Variants in PPIL6 observed in about 807,000 individuals in gnomAD.
PPIL6 encodes the protein peptidylprolyl isomerase like 6.
In PPIL6, 39 loss-of-function variants were observed where a neutral mutation model predicts 36.8. The observed-to-expected ratio is 1.06, with a 90% CI of 0.82 to 1.38. The LOEUF (loss-of-function observed/expected upper bound fraction) is 1.38. Ranked by LOEUF, PPIL6 falls within the 40% of genes most tolerant of loss-of-function variation. PPIL6 has a pLI of 0.00. For synonymous variants in PPIL6, 123 were observed against 134.1 expected, an observed-to-expected ratio of 0.92 and a Z score of 0.57; for missense variants, 368 against 379.1, an observed-to-expected ratio of 0.97 and a Z score of 0.24.
intron 6 of PPIL6, among the ~76,000 whole-genome samples, chr6:109,415,582 A>C (rs1362427852): frequency 6.6e-6 from 1 of 152,148 alleles, no homozygotes; most frequent in East Asian, 1.9e-4. Flanking sequence ...CTCTGTCATA[A>C]ATCCCGTGAA....
chr6:109,421,837 A>T (rs1053956409), intron 5 of PPIL6, among the ~76,000 whole-genome samples: 95 of 152,168 alleles, frequency 6.2e-4, no homozygotes, highest in Non-Finnish European at 9.3e-4. Flanking sequence ...CCAGGAGTTC[A>T]AGACCAGCCT....
rs767825097 is a variant in PPIL6, at chr6:109,440,305, G to A, written c.135+151C>T. 6.3e-5 allele frequency: 64 copies of A among 1,014,702 alleles called. No individual in the cohort carries two copies. The African/African-American group carries it at 9.9e-4, about 16-fold the overall frequency. The allele number at this position is 1,014,702 out of a possible 1,614,324, so 62.9% of individuals were successfully genotyped here. A position where few individuals can be genotyped will look rare whatever the true frequency, so the allele number is the denominator to read the frequency against. The stretch of plus-strand genomic sequence containing the variant: ...ATACTCTCCTCCCGGTCCTCCAGAC[G>A]GAGCCCGCCCGGCCAGGACACGCCA... On this transcript the variant is annotated intron_variant, in intron 1 of 7. Coordinates refer to ENST00000521072, the MANE Select transcript of PPIL6 (RefSeq NM_173672.5).
At chr6:109,431,118 A>G (rs763913758) in intron 3 of PPIL6, 39 bp downstream of exon 3, 23 of 1,438,560 alleles carry the variant, frequency 1.6e-5, no homozygotes, top group Non-Finnish European at 2.2e-5. Flanking sequence ...AAAGGGTCAA[A>G]GATTCCACAA....
intron 1 of PPIL6, among the ~76,000 whole-genome samples, chr6:109,436,563 CA>C (rs888758943): frequency 6.6e-6 from 1 of 152,024 alleles, no homozygotes; most frequent in Admixed American, 6.5e-5. Context: ...ACTAAAAATA[CA>C]AAAAAATTAG....
intron 2 of PPIL6, among the ~76,000 whole-genome samples, chr6:109,433,278 A>T (rs1015356236): frequency 2.6e-5 from 4 of 151,938 alleles, no homozygotes; most frequent in Non-Finnish European, 4.4e-5. Context: ...GCTGGTCTCA[A>T]ACTCCTGACC....
In PPIL6 at chr6:109,440,556, G is replaced by C; in HGVS notation, c.35C>G (p.Ala12Gly). ...ARPQPCGPPHARCGSPSLPER... is the reference protein window; with the variant it reads ...ARPQPCGPPHGRCGSPSLPER... ...CGGCAGCGACGGCGAGCCGCACCTAGCGTGCGGGGGCCCGCACGGCTGCGG... is the reference window on the plus strand; with the variant it reads ...CGGCAGCGACGGCGAGCCGCACCTACCGTGCGGGGGCCCGCACGGCTGCGG... The change falls in exon 1 of 8, where the codon GCT (alanine) becomes GGT (glycine). Residue 12 changes from alanine to glycine, a missense_variant. Coordinates refer to ENST00000521072, the MANE Select transcript of PPIL6 (RefSeq NM_173672.5). The C allele has an allele frequency of 6.8e-7, 1 of 1,468,518 alleles. No individual in the cohort carries two copies. Among genetic ancestry groups the C allele is most frequent in the South Asian group, 1.3e-5 (1 of 75,768 alleles). The allele number at this position is 1,468,518 out of a possible 1,614,324, so 91.0% of individuals were successfully genotyped here.
chr6:109,431,158 T>C lies in PPIL6; in HGVS notation c.419A>G (p.Lys140Arg), dbSNP rs987189433. 6.3e-7 allele frequency: 1 copy of C among 1,595,456 alleles called. No homozygotes were observed. Among genetic ancestry groups the C allele is most frequent in the Non-Finnish European group, 8.6e-7 (1 of 1,167,568 alleles). The change falls in exon 3 of 8, where the codon AAG becomes AGG. Residue 140 changes from lysine to arginine, a missense_variant and splice_region_variant. By Grantham distance (26) the Lys-to-Arg change is conservative. Transcript: ENST00000521072. ...TCTTTAAAAGTTAGTATAACTTGCC[T>C]TGGTGTCTCTTAAGAACTTAGCGGA... Reference protein sequence around the residue: ...DFSAKFLRDTKHDFVFLDICI... With the variant: ...DFSAKFLRDTRHDFVFLDICI...
At chr6:109,399,939 G>A (rs974059498) in intron 7 of PPIL6, 96 bp downstream of exon 7, 15 of 896,546 alleles carry the variant, frequency 1.7e-5, no homozygotes, top group Non-Finnish European at 3.1e-6. Context: ...CCTATTTTTA[G>A]CTACCTATAC....
chr6:109,433,096 A>T (rs1481397376), intron 2 of PPIL6, among the ~76,000 whole-genome samples: 1 of 149,728 alleles, frequency 6.7e-6, no homozygotes, highest in Non-Finnish European at 1.5e-5. Flanking sequence ...TTGCTCTGTC[A>T]CCCAGGCTGG....
chr6:109,428,790 A>G (rs1037707759), intron 3 of PPIL6, among the ~76,000 whole-genome samples: 1 of 152,148 alleles, frequency 6.6e-6, no homozygotes. Context: ...CAAGTTTTTA[A>G]GTATAAAACA....
rs149138363 is a variant in PPIL6 at position 109,423,726 on chromosome 6, T to C, written c.631+3121A>G. Among the ~76,000 whole-genome samples the C allele has an allele frequency of 1.7e-3, 264 of 152,050 alleles. 4 individuals are homozygous for C. The highest frequency in any genetic ancestry group is 0.015 in the Admixed American group (235 of 15,246). ...TTGATTAACAAAGTGTTGGTATCAA[T>C]TTTTTTTAATCCTTCTGAAGGAAGT... On this transcript the variant is annotated intron_variant, in intron 5 of 7. Coordinates refer to ENST00000521072, the MANE Select transcript of PPIL6 (RefSeq NM_173672.5).
At chr6:109,409,645 CACACA>C (rs1562260507) in intron 6 of PPIL6, among the ~76,000 whole-genome samples, 1 of 151,628 alleles carries the variant, frequency 6.6e-6, no homozygotes, top group African/African-American at 2.4e-5. Context: ...CTACAGACTC[CACACA>C]AAAGTCTATT....
At chr6:109,416,720 A>G (rs1033838742) in intron 6 of PPIL6, among the ~76,000 whole-genome samples, 1 of 152,144 alleles carries the variant, frequency 6.6e-6, no homozygotes, top group Non-Finnish European at 1.5e-5. Flanking sequence ...CTGGAATTAA[A>G]TTATCCAGTT....
chr6:109,409,068 A>G (rs1772908364), intron 6 of PPIL6, among the ~76,000 whole-genome samples: 1 of 152,246 alleles, frequency 6.6e-6, no homozygotes, highest in African/African-American at 2.4e-5. Flanking sequence ...GGTTCAATGT[A>G]TGCAAATCAA....
chr6:109,406,880 G>C (rs1449043641), intron 6 of PPIL6, among the ~76,000 whole-genome samples: 1 of 152,152 alleles, frequency 6.6e-6, no homozygotes, highest in Non-Finnish European at 1.5e-5. Context: ...TGGTCAGTGA[G>C]ACCCTCTTCA....
At chr6:109,428,117 C>T (rs1482161532) in intron 3 of PPIL6, among the ~76,000 whole-genome samples, 1 of 152,184 alleles carries the variant, frequency 6.6e-6, no homozygotes, top group Non-Finnish European at 1.5e-5. Flanking sequence ...GATATCCTTT[C>T]TCATAGAGGA....
chr6:109,427,856 C>T (rs1270433267), intron 3 of PPIL6, among the ~76,000 whole-genome samples: 3 of 152,158 alleles, frequency 2.0e-5, no homozygotes, highest in Non-Finnish European at 4.4e-5. Context: ...TTCTCTACTT[C>T]GCTTCTTTCC....
At chr6:109,418,510 G>C (rs1480932678) in intron 6 of PPIL6, among the ~76,000 whole-genome samples, 3 of 149,982 alleles carry the variant, frequency 2.0e-5, no homozygotes, top group Admixed American at 2.0e-4. Flanking sequence ...TGTTGTAAAT[G>C]TTATACAGGG....
At chr6:109,406,785 T>C (rs886960995) in intron 6 of PPIL6, among the ~76,000 whole-genome samples, 3 of 152,200 alleles carry the variant, frequency 2.0e-5, no homozygotes, top group Admixed American at 1.3e-4. Flanking sequence ...TATAATATCA[T>C]TATAAACTCA....
Sources: gnomAD v4.1 joint callset for allele counts (sites outside exome capture counted in the v4.1 genomes callset) on GRCh38, gnomAD v4.1.1 for gene constraint, MANE v1.5 for transcripts, NCBI Gene and HGNC (gene_info 2026-07-23, HGNC 2026-07-21) for gene names.